DLGAP2: variants seen among roughly 807,000 people sequenced by gnomAD.
DLGAP2 encodes DLG associated protein 2.
A neutral mutation model predicts 100.3 loss-of-function variants in DLGAP2; 26 were observed. That is an observed-to-expected ratio of 0.26 (90% CI 0.19 to 0.36). DLGAP2 has a LOEUF of 0.36. DLGAP2 is among the 10% of genes least tolerant of loss of function. The pLI, the probability that DLGAP2 is intolerant of heterozygous loss-of-function variation, is 1.00. For synonymous variants in DLGAP2, 886 were observed against 630.1 expected (o/e 1.41, Z -6.08); for missense variants, 1,858 against 1,453.2 (o/e 1.28, Z -4.53).
intron 6 of DLGAP2, among the ~76,000 whole-genome samples, chr8:1,594,313 C>T (rs1301855146): frequency 1.3e-5 from 2 of 152,050 alleles, no homozygotes; most frequent in Non-Finnish European, 2.9e-5. Flanking sequence ...GAATTCAAAA[C>T]AAGGGATATG....
At chr8:1,281,110 T>C in intron 3 of DLGAP2, among the ~76,000 whole-genome samples, 1 of 152,230 alleles carries the variant, frequency 6.6e-6, no homozygotes, top group Admixed American at 6.5e-5. Context: ...GTATGCCAAG[T>C]TCTTATAGTG....
intron 8 of DLGAP2, among the ~76,000 whole-genome samples, chr8:1,658,634 G>A (rs548480076): frequency 9.9e-5 from 15 of 152,192 alleles, no homozygotes; most frequent in African/African-American, 2.9e-4. Context: ...TCTGCATAGC[G>A]GTGTTTATAG....
intron 3 of DLGAP2, among the ~76,000 whole-genome samples, chr8:1,274,009 T>G (rs1324724009): frequency 6.6e-6 from 1 of 152,216 alleles, no homozygotes; most frequent in Non-Finnish European, 1.5e-5. Context: ...TTTTCATATA[T>G]GAAAGTCTTG....
chr8:1,371,063 A>C (rs1465514413), intron 3 of DLGAP2, among the ~76,000 whole-genome samples: 1 of 152,268 alleles, frequency 6.6e-6, no homozygotes, highest in African/African-American at 2.4e-5. Context: ...CATTGGAAGC[A>C]GCCCTGGCTG....
At chr8:1,119,525 A>G (rs1269478051) in intron 2 of DLGAP2, among the ~76,000 whole-genome samples, 1 of 152,222 alleles carries the variant, frequency 6.6e-6, no homozygotes, top group East Asian at 1.9e-4. Context: ...GCTCTTCTTC[A>G]GCAGATCGGG....
At chr8:1,134,219 T>G (rs1796356099) in intron 2 of DLGAP2, among the ~76,000 whole-genome samples, 1 of 152,248 alleles carries the variant, frequency 6.6e-6, no homozygotes, top group African/African-American at 2.4e-5. Flanking sequence ...ATGTACCACA[T>G]TTTCTTAATC....
rs1015303384 is a variant in DLGAP2 at position 1,640,927 on chromosome 8, T to A, written c.1810+7881T>A. On this transcript the variant is annotated intron_variant, in intron 8 of 14. Coordinates refer to ENST00000637795, the MANE Select transcript of DLGAP2 (RefSeq NM_001346810.2). ...CTTTATCCGTTGTGCGCTAAGCCTA[T>A]AGGATGAGTGGATGAAAGCCGGTTG... Among the ~76,000 whole-genome samples, 15 of 152,272 alleles carry A rather than the reference T, an allele frequency of 9.9e-5. No homozygotes were observed. The East Asian group carries it at 2.9e-3, about 29-fold the overall frequency.
chr8:1,360,481 C>T (rs1033222958), intron 3 of DLGAP2, among the ~76,000 whole-genome samples: 1 of 152,148 alleles, frequency 6.6e-6, no homozygotes, highest in Non-Finnish European at 1.5e-5. Context: ...GGGACCCTGC[C>T]CCACTGCATG....
intron 12 of DLGAP2, among the ~76,000 whole-genome samples, chr8:1,682,911 G>C (rs770250031): frequency 6.6e-6 from 1 of 151,540 alleles, no homozygotes; most frequent in Non-Finnish European, 1.5e-5. Context: ...TGGTTTCGTG[G>C]TGGGATTTTT....
chr8:1,630,702 GA>G (rs753113277), intron 7 of DLGAP2, among the ~76,000 whole-genome samples: 165 of 136,494 alleles, frequency 1.2e-3, no homozygotes, highest in Admixed American at 1.5e-3. Context: ...ACTCCATCTC[GA>G]AAAAAAAAAA....
intron 3 of DLGAP2, among the ~76,000 whole-genome samples, chr8:1,343,333 C>T (rs747549493): frequency 5.0e-4 from 76 of 152,304 alleles, no homozygotes; most frequent in Non-Finnish European, 8.5e-4. Flanking sequence ...AATGTCCCAC[C>T]GGTGACATAC....
intron 1 of DLGAP2, among the ~76,000 whole-genome samples, chr8:807,918 G>C (rs917964678): frequency 2.0e-5 from 3 of 152,212 alleles, no homozygotes; most frequent in Non-Finnish European, 4.4e-5. Flanking sequence ...AAGGTTGGCG[G>C]GGAGCTAAGA....
At chr8:1,170,313 A>G (rs1229792520) in intron 2 of DLGAP2, among the ~76,000 whole-genome samples, 5 of 151,966 alleles carry the variant, frequency 3.3e-5, no homozygotes, top group Middle Eastern at 6.8e-3. Context: ...TTTTGCATCA[A>G]TGTTCATCAA....
intron 3 of DLGAP2, among the ~76,000 whole-genome samples, chr8:1,467,128 G>C (rs1798648608): frequency 6.6e-6 from 1 of 151,712 alleles, no homozygotes; most frequent in African/African-American, 2.4e-5. Context: ...GGTCCGGCAG[G>C]GGCCTGGGAG....
chr8:855,062 C>G (rs537435539), intron 1 of DLGAP2, among the ~76,000 whole-genome samples: 1 of 152,130 alleles, frequency 6.6e-6, no homozygotes, highest in South Asian at 2.1e-4. Context: ...AGGCGCTTGC[C>G]GAGTGGTGGG....
intron 13 of DLGAP2, among the ~76,000 whole-genome samples, chr8:1,696,890 C>T (rs894467008): frequency 1.3e-5 from 2 of 152,250 alleles, no homozygotes; most frequent in African/African-American, 2.4e-5. Context: ...GAAACTCTCC[C>T]ATCTGCCCCA....
intron 3 of DLGAP2, among the ~76,000 whole-genome samples, chr8:1,313,821 A>G (rs2117019919): frequency 6.6e-6 from 1 of 152,296 alleles, no homozygotes; most frequent in Admixed American, 6.5e-5. Context: ...AGCTGGCGCC[A>G]AAACTGAACC....
chr8:1,207,574 C>A (rs1012987981), intron 2 of DLGAP2, among the ~76,000 whole-genome samples: 1 of 152,166 alleles, frequency 6.6e-6, no homozygotes, highest in African/African-American at 2.4e-5. Flanking sequence ...TTCTTCTGGG[C>A]AGATACTCAC....
intron 5 of DLGAP2, among the ~76,000 whole-genome samples, chr8:1,556,848 G>A (rs111903703): frequency 2.2e-4 from 34 of 152,228 alleles, no homozygotes; most frequent in Non-Finnish European, 4.1e-4. Flanking sequence ...ACACCAGGGT[G>A]GATTTGAGCA....
Sources: gnomAD v4.1 joint callset for allele counts (sites outside exome capture counted in the v4.1 genomes callset) on GRCh38, gnomAD v4.1.1 for gene constraint, MANE v1.5 for transcripts, NCBI Gene and HGNC (gene_info 2026-07-23, HGNC 2026-07-21) for gene names.